LGSN: variants seen among roughly 807,000 people sequenced by gnomAD.
LGSN encodes the protein lengsin.
A neutral mutation model predicts 19.5 loss-of-function variants in LGSN; 21 were observed. That is an observed-to-expected ratio of 1.07 (90% CI 0.76 to 1.55). The LOEUF (loss-of-function observed/expected upper bound fraction) is 1.55. LGSN is among the 40% of genes most tolerant of loss of function. The probability of loss-of-function intolerance (pLI) is 0.00; values close to 1 mark genes in which losing one functional copy is unlikely to be tolerated. For synonymous variants in LGSN, 257 were observed against 215.6 expected (o/e 1.19, Z -1.68); for missense variants, 673 against 608.5 (o/e 1.11, Z -1.12).
the LGSN span, among the ~76,000 whole-genome samples, chr6:63,481,131 A>T: frequency 6.6e-6 from 1 of 151,852 alleles, no homozygotes; most frequent in South Asian, 2.1e-4. Flanking sequence ...AAACCAAAAA[A>T]CCGTGTGTTC....
chr6:63,305,057 G>A (rs1768325915), intron 1 of LGSN, among the ~76,000 whole-genome samples: 1 of 152,108 alleles, frequency 6.6e-6, no homozygotes, highest in Non-Finnish European at 1.5e-5. Context: ...CAACAGAACA[G>A]ACCAAATCAA....
chr6:63,321,743 G>T (rs1769089388), upstream of LGSN, among the ~76,000 whole-genome samples: 1 of 152,078 alleles, frequency 6.6e-6, no homozygotes, highest in Admixed American at 6.6e-5. Context: ...TCAGTAAAGG[G>T]CTTAACAAAT....
At chr6:63,503,054 T>G in the LGSN span, among the ~76,000 whole-genome samples, 1 of 152,212 alleles carries the variant, frequency 6.6e-6, no homozygotes, top group African/African-American at 2.4e-5. Context: ...ATTTTTTTGT[T>G]CAATGTTATC....
At chr6:63,355,336 G>A in the LGSN span, among the ~76,000 whole-genome samples, 20,168 of 152,114 alleles carry the variant, frequency 0.13, 2,958 homozygotes, top group African/African-American at 0.36. Flanking sequence ...TAAGTACTTG[G>A]GGCACAAAAG....
At chr6:63,417,914 T>C in the LGSN span, among the ~76,000 whole-genome samples, 1 of 152,144 alleles carries the variant, frequency 6.6e-6, no homozygotes, top group African/African-American at 2.4e-5. Flanking sequence ...AAGAGGACAA[T>C]GCAACCAAAT....
chr6:63,329,860 G>A, the LGSN span, among the ~76,000 whole-genome samples: 2 of 152,236 alleles, frequency 1.3e-5, no homozygotes, highest in African/African-American at 4.8e-5. Flanking sequence ...AACTGAGAAG[G>A]TGGGAGAAAT....
At chr6:63,332,236 ATTAGAAATCATTC>A in the LGSN span, among the ~76,000 whole-genome samples, 1 of 152,200 alleles carries the variant, frequency 6.6e-6, no homozygotes, top group Non-Finnish European at 1.5e-5. Flanking sequence ...TGGAATTTAT[ATTAGAAATCATTC>A]TTATAGGAGA....
At chr6:63,338,474 C>G in the LGSN span, among the ~76,000 whole-genome samples, 1 of 152,162 alleles carries the variant, frequency 6.6e-6, no homozygotes, top group Admixed American at 6.5e-5. Flanking sequence ...AATAGGTTTT[C>G]CAATTTTTTG....
chr6:63,432,123 AAG>A, the LGSN span, among the ~76,000 whole-genome samples: 4 of 122,752 alleles, frequency 3.3e-5, no homozygotes, highest in Non-Finnish European at 6.6e-5. Flanking sequence ...GAAAGAAAGA[AAG>A]AAAGAAAGAA....
chr6:63,277,635 G>A lies in LGSN; in HGVS notation c.*2386C>T, dbSNP rs965350601. On this transcript the variant is annotated 3_prime_UTR_variant, in exon 4 of 4. Coordinates refer to ENST00000370657, the MANE Select transcript of LGSN (RefSeq NM_016571.3). ...TAGGCAAGTCAAACTGCTCTACAAA[G>A]CAGAGATTCCACCTTATTACTGTAC... 1 of 149,916 alleles carries A rather than the reference G, an allele frequency of 6.7e-6. No homozygotes were observed. The highest frequency in any genetic ancestry group is 6.7e-5 in the Admixed American group (1 of 14,878). The allele number at this position is 149,916 out of a possible 1,614,324, so 9.3% of individuals were successfully genotyped here. A position where few individuals can be genotyped will look rare whatever the true frequency, so the allele number is the denominator to read the frequency against.
At chr6:63,517,659 C>A in the LGSN span, among the ~76,000 whole-genome samples, 5 of 152,230 alleles carry the variant, frequency 3.3e-5, no homozygotes, top group South Asian at 1.0e-3. Flanking sequence ...ATCACATACA[C>A]ACACATATAT....
chr6:63,320,922 A>G (rs114657583), upstream of LGSN, among the ~76,000 whole-genome samples: 446 of 152,264 alleles, frequency 2.9e-3, 3 homozygotes, highest in African/African-American at 0.01. Flanking sequence ...ACAGTGATTA[A>G]CTATTCCTAT....
the LGSN span, chr6:63,572,738 G>T: frequency 1.0e-5 from 4 of 398,232 alleles, no homozygotes; most frequent in African/African-American, 4.1e-5. Flanking sequence ...CCGTCGCATC[G>T]TCGCCTCTCG....
chr6:63,357,871 C>T, the LGSN span, among the ~76,000 whole-genome samples: 8 of 151,936 alleles, frequency 5.3e-5, no homozygotes, highest in African/African-American at 1.9e-4. Flanking sequence ...CTTTTGTTGC[C>T]ATTGCTTTTG....
the LGSN span, among the ~76,000 whole-genome samples, chr6:63,448,862 G>A: frequency 6.6e-6 from 1 of 151,606 alleles, no homozygotes; most frequent in African/African-American, 2.4e-5. Flanking sequence ...AAATAACTCA[G>A]AGGTTAAAAG....
At chr6:63,519,053 G>A in the LGSN span, among the ~76,000 whole-genome samples, 5 of 152,160 alleles carry the variant, frequency 3.3e-5, no homozygotes, top group Admixed American at 1.3e-4. Flanking sequence ...AGTGGCTCAC[G>A]CCTGTAATCC....
At chr6:63,283,881 G>A (rs1767421015) in intron 3 of LGSN, among the ~76,000 whole-genome samples, 1 of 151,912 alleles carries the variant, frequency 6.6e-6, no homozygotes, top group African/African-American at 2.4e-5. Flanking sequence ...TGTATTTTTA[G>A]TAGAGATGGG....
At chr6:63,572,353 A>T in the LGSN span, 4 of 281,512 alleles carry the variant, frequency 1.4e-5, no homozygotes, top group Non-Finnish European at 2.6e-5. Flanking sequence ...CCGCGGAGTG[A>T]CGTCCGGAGG....
At chr6:63,313,985 G>A (rs1487170094) in intron 1 of LGSN, among the ~76,000 whole-genome samples, 7 of 152,032 alleles carry the variant, frequency 4.6e-5, no homozygotes. Flanking sequence ...AATAAAGGGA[G>A]GTCCCTGGGA....
Sources: gnomAD v4.1 joint callset for allele counts (sites outside exome capture counted in the v4.1 genomes callset) on GRCh38, gnomAD v4.1.1 for gene constraint, MANE v1.5 for transcripts, NCBI Gene and HGNC (gene_info 2026-07-23, HGNC 2026-07-21) for gene names.